The following MTBP variants were observed in gnomAD, a reference collection of about 807,000 sequenced individuals.
MTBP encodes mdm2-binding protein.
A neutral mutation model predicts 117.0 loss-of-function variants in MTBP; 101 were observed. The observed-to-expected ratio is 0.86, with a 90% CI of 0.73 to 1.02. The LOEUF (loss-of-function observed/expected upper bound fraction) is 1.02, where lower values mean the gene tolerates loss of function less well. MTBP is among the 50% of genes least tolerant of loss of function. The pLI, the probability that MTBP is intolerant of heterozygous loss-of-function variation, is 0.00. For missense variants in MTBP, 970 were observed against 1,030.9 expected (o/e 0.94, Z 0.81); for synonymous variants, 350 against 351.5 (o/e 1.00, Z 0.05).
intron 11 of MTBP, among the ~76,000 whole-genome samples, chr8:120,481,272 A>C (rs1814078346): frequency 6.6e-6 from 1 of 152,208 alleles, no homozygotes; most frequent in Non-Finnish European, 1.5e-5. Flanking sequence ...AAACAGTTTG[A>C]CAGTTAAACT....
Position 120,451,288 on chromosome 8 carries a change from GA to G in MTBP, c.392del (p.Asp131AlafsTer36). On this transcript the variant is annotated frameshift_variant, in exon 4 of 22. Transcript: ENST00000305949. LOFTEE classifies it high-confidence loss of function. ...LGAVECFEEE[D>X]SNSRESLSLA... is the part of the protein sequence containing the mutation. Reference sequence around the variant, plus strand: ...TGCTGTTGAGTGTTTTGAAGAAGAAGACAGTAATAGCAGGGAATCATTATCC... The same window carrying G: ...TGCTGTTGAGTGTTTTGAAGAAGAAGCAGTAATAGCAGGGAATCATTATCC... The G allele has an allele frequency of 6.2e-7, 1 of 1,613,234 alleles. No individual in the cohort carries two copies.
intron 5 of MTBP, among the ~76,000 whole-genome samples, chr8:120,454,815 T>A (rs1447439225): frequency 1.9e-4 from 29 of 152,092 alleles, no homozygotes; most frequent in Admixed American, 1.8e-3. Flanking sequence ...ATACTTTCAT[T>A]ATCAAATTTA....
At chr8:120,484,029 T>A (rs577036224) in intron 11 of MTBP, among the ~76,000 whole-genome samples, 1 of 152,252 alleles carries the variant, frequency 6.6e-6, no homozygotes, top group East Asian at 1.9e-4. Context: ...TCATTATGGC[T>A]AAGAGAGTTG....
chr8:120,475,911 A>G (rs1000693015), intron 11 of MTBP, among the ~76,000 whole-genome samples: 5 of 152,034 alleles, frequency 3.3e-5, no homozygotes, highest in African/African-American at 1.2e-4. Flanking sequence ...AAAAAATTGT[A>G]TCTCCCATTA....
intron 14 of MTBP, 131 bp downstream of exon 14, chr8:120,497,685 T>C (rs886650326): frequency 4.1e-5 from 25 of 604,652 alleles, no homozygotes; most frequent in Middle Eastern, 4.4e-4. Context: ...TAGATACTTA[T>C]ATAGATACAA....
intron 13 of MTBP, among the ~76,000 whole-genome samples, chr8:120,491,717 A>G (rs1186255560): frequency 6.6e-6 from 1 of 152,138 alleles, no homozygotes; most frequent in Non-Finnish European, 1.5e-5. Context: ...TCCTTGCCAT[A>G]TGCCTCTGGC....
chr8:120,488,606 T>A (rs1814270550), intron 12 of MTBP, among the ~76,000 whole-genome samples: 1 of 152,212 alleles, frequency 6.6e-6, no homozygotes, highest in African/African-American at 2.4e-5. Flanking sequence ...TTTTCCACTT[T>A]AAATACATAT....
At chr8:120,513,922 G>A (rs79553854) in intron 17 of MTBP, among the ~76,000 whole-genome samples, 2,336 of 151,928 alleles carry the variant, frequency 0.015, 57 homozygotes, top group African/African-American at 0.054. Context: ...ATTAGCTAGA[G>A]AGATGCCAAG....
chr8:120,521,036 G>A (rs1276435370), intron 20 of MTBP, among the ~76,000 whole-genome samples: 2 of 152,058 alleles, frequency 1.3e-5, no homozygotes, highest in African/African-American at 4.8e-5. Context: ...AGTCCTAATA[G>A]GACCAGGCCT....
Position 120,505,523 on chromosome 8 carries a change from A to G in MTBP, c.1728-1183A>G, listed in dbSNP as rs191994074. 5.3e-5 allele frequency among the ~76,000 whole-genome samples: 8 copies of G among 152,308 alleles called. No individual in the cohort carries two copies. The East Asian group carries it at 1.3e-3, about 26-fold the overall frequency. ...TAAAAACAAAGGAATAGGAAGAGGA[A>G]AGAGGCACTGTCAGTATTTTATTGA... On this transcript the variant is annotated intron_variant, in intron 15 of 21. Transcript: ENST00000305949.
chr8:120,478,437 C>A (rs907106921), intron 11 of MTBP, among the ~76,000 whole-genome samples: 5 of 151,746 alleles, frequency 3.3e-5, no homozygotes, highest in African/African-American at 1.2e-4. Context: ...AATTTTATGT[C>A]TTGATATTTG....
intron 11 of MTBP, chr8:120,471,938 C>A (rs559284406): frequency 6.6e-6 from 1 of 152,190 alleles, no homozygotes; most frequent in Non-Finnish European, 1.5e-5. Flanking sequence ...CCTAGTATTT[C>A]ATGAGGTGAT....
chr8:120,489,057 T>TTTTTTTTTTTG (rs1563797875), intron 12 of MTBP, among the ~76,000 whole-genome samples: 1 of 150,802 alleles, frequency 6.6e-6, no homozygotes, highest in Admixed American at 6.6e-5. Flanking sequence ...TTTTTTTTTT[T>TTTTTTTTTTTG]GAGACAGAGT....
intron 7 of MTBP, 77 bp downstream of exon 7, chr8:120,456,747 T>G: frequency 1.3e-6 from 1 of 785,374 alleles, no homozygotes; most frequent in East Asian, 2.5e-5. Context: ...TAAATCTTAA[T>G]GAAAATGTAC....
intron 20 of MTBP, among the ~76,000 whole-genome samples, chr8:120,520,847 C>G (rs1586976763): frequency 6.6e-6 from 1 of 151,954 alleles, no homozygotes; most frequent in African/African-American, 2.4e-5. Context: ...ACCTAGTATT[C>G]TATACCCAGT....
intron 11 of MTBP, among the ~76,000 whole-genome samples, chr8:120,480,707 A>G (rs1159399008): frequency 6.6e-6 from 1 of 152,098 alleles, no homozygotes; most frequent in African/African-American, 2.4e-5. Flanking sequence ...TTATATATGT[A>G]TTTAGACTTT....
chr8:120,506,728 T>C lies in MTBP; in HGVS notation c.1750T>C (p.Ser584Pro). ...KMRTGSLPHSSEQLLGHKEGP... is the reference protein window; with the variant it reads ...KMRTGSLPHSPEQLLGHKEGP... Reference sequence around the variant, plus strand: ...CAGAACTGGTTCATTACCTCATTCATCTGAACAGTTGCTGGGCCACAAAGA... The same window carrying C: ...CAGAACTGGTTCATTACCTCATTCACCTGAACAGTTGCTGGGCCACAAAGA... The change falls in exon 16 of 22, where the codon TCT becomes CCT. Residue 584 changes from serine to proline, a missense_variant. Ser to Pro is a moderately conservative substitution (Grantham distance 74). Coordinates refer to ENST00000305949, the MANE Select transcript of MTBP (RefSeq NM_022045.5). 1.2e-6 allele frequency: 2 copies of C among 1,611,530 alleles called. No homozygotes were observed. The highest frequency in any genetic ancestry group is 1.7e-6 in the Non-Finnish European group (2 of 1,179,096).
intron 15 of MTBP, 87 bp downstream of exon 15, chr8:120,502,696 T>A: frequency 1.2e-6 from 1 of 804,520 alleles, no homozygotes; most frequent in Non-Finnish European, 1.9e-6. Context: ...TTATGAGATT[T>A]AAGCAGTTTA....
intron 13 of MTBP, among the ~76,000 whole-genome samples, chr8:120,493,002 A>G (rs983924268): frequency 1.3e-5 from 2 of 152,202 alleles, no homozygotes; most frequent in African/African-American, 2.4e-5. Context: ...ATGATGCAAG[A>G]TAAGTATGAA....
Sources: gnomAD v4.1 joint callset for allele counts (sites outside exome capture counted in the v4.1 genomes callset) on GRCh38, gnomAD v4.1.1 for gene constraint, MANE v1.5 for transcripts, NCBI Gene and HGNC (gene_info 2026-07-23, HGNC 2026-07-21) for gene names.